PITPNB: variants seen among roughly 807,000 people sequenced by gnomAD.
PITPNB encodes phosphatidylinositol transfer protein beta isoform.
Under a neutral mutation model 45.9 loss-of-function variants are expected in PITPNB, and 16 were observed. That is an observed-to-expected ratio of 0.35 (90% CI 0.24 to 0.53). The LOEUF (loss-of-function observed/expected upper bound fraction) is 0.53. Ranked by LOEUF, PITPNB falls within the 20% of genes least tolerant of loss-of-function variation. PITPNB has a pLI of 0.93. For synonymous variants in PITPNB, 112 were observed against 108.9 expected (o/e 1.03, Z -0.18); for missense variants, 188 against 330.5 (o/e 0.57, Z 3.34).
At chr22:27,857,346 A>C (rs1175005495) in intron 10 of PITPNB, among the ~76,000 whole-genome samples, 1 of 152,216 alleles carries the variant, frequency 6.6e-6, no homozygotes, top group African/African-American at 2.4e-5. Flanking sequence ...TATAAAGAAA[A>C]TATGTCCTAG....
chr22:27,902,940 G>A (rs538390746), intron 3 of PITPNB, among the ~76,000 whole-genome samples: 11 of 151,986 alleles, frequency 7.2e-5, no homozygotes, highest in South Asian at 6.2e-4. Context: ...TATATTGCCC[G>A]GGCTGGTCTT....
chr22:27,892,111 A>T (rs1226799983), intron 7 of PITPNB, among the ~76,000 whole-genome samples: 1 of 152,138 alleles, frequency 6.6e-6, no homozygotes, highest in African/African-American at 2.4e-5. Context: ...CACCATTTTC[A>T]CACAGAGAAC....
intron 7 of PITPNB, among the ~76,000 whole-genome samples, chr22:27,877,525 A>G (rs1191744979): frequency 2.0e-5 from 3 of 152,236 alleles, no homozygotes; most frequent in African/African-American, 7.2e-5. Flanking sequence ...GTTTTCTGTC[A>G]CTGGAATACA....
At chr22:27,896,659 TCTTCTAC>T (rs1176185691) in intron 5 of PITPNB, 33 bp from the exon 6 acceptor site, 1 of 1,445,238 alleles carries the variant, frequency 6.9e-7, no homozygotes, top group Non-Finnish European at 9.7e-7. Context: ...ATGACAGTGA[TCTTCTAC>T]CTGTTCCTTG....
chr22:27,918,907 G>C (rs1463955929), intron 1 of PITPNB, among the ~76,000 whole-genome samples: 1 of 152,010 alleles, frequency 6.6e-6, no homozygotes, highest in Non-Finnish European at 1.5e-5. Flanking sequence ...TCCCGGCCGC[G>C]CCTTCCCGAG....
At chr22:27,915,719 A>C (rs529860766) in intron 1 of PITPNB, among the ~76,000 whole-genome samples, 1 of 152,338 alleles carries the variant, frequency 6.6e-6, no homozygotes, top group South Asian at 2.1e-4. Flanking sequence ...TCTATACCTA[A>C]AAATTCCGAA....
chr22:27,872,286 G>T (rs1252157220), intron 8 of PITPNB, among the ~76,000 whole-genome samples: 2 of 151,744 alleles, frequency 1.3e-5, no homozygotes, highest in African/African-American at 2.4e-5. Context: ...TAGAGATGGG[G>T]TTTCAACATG....
intron 5 of PITPNB, 55 bp from the exon 6 acceptor site, chr22:27,896,681 C>G: frequency 8.2e-7 from 1 of 1,217,240 alleles, no homozygotes; most frequent in Non-Finnish European, 1.2e-6. Context: ...TCCTTGGTGC[C>G]CACGTCTGAG....
At chr22:27,899,558 C>T (rs1040901415) in intron 3 of PITPNB, among the ~76,000 whole-genome samples, 6 of 152,062 alleles carry the variant, frequency 3.9e-5, no homozygotes, top group Admixed American at 1.3e-4. Context: ...CTCCTGACCT[C>T]GTGATCCGCC....
At chr22:27,916,693 C>T (rs1213364044) in intron 1 of PITPNB, among the ~76,000 whole-genome samples, 3 of 152,172 alleles carry the variant, frequency 2.0e-5, no homozygotes, top group African/African-American at 7.2e-5. Flanking sequence ...GTCCCAGCTA[C>T]TTGGGAGGCT....
Position 27,858,528 on chromosome 22 carries a change from A to C in PITPNB, c.646-19T>G. 1 of 1,599,472 alleles carries C rather than the reference A, an allele frequency of 6.3e-7. No homozygotes were observed. Among genetic ancestry groups the C allele is most frequent in the Non-Finnish European group, 8.5e-7 (1 of 1,172,794 alleles). ...TTTCTTGCTTTTAAAACAACAACAA[A>C]AAAGTAGCATAAGATGACAAAAACC... On this transcript the variant is annotated intron_variant, in intron 9 of 11. Transcript: ENST00000335272.
At chr22:27,897,018 G>A in intron 5 of PITPNB, 112 bp downstream of exon 5, 1 of 814,414 alleles carries the variant, frequency 1.2e-6, no homozygotes, top group Non-Finnish European at 2.2e-6. Context: ...TGGGACACAG[G>A]AAGGAACCAT....
intron 7 of PITPNB, among the ~76,000 whole-genome samples, chr22:27,888,475 G>A (rs1253168233): frequency 6.6e-6 from 1 of 152,114 alleles, no homozygotes; most frequent in East Asian, 1.9e-4. Flanking sequence ...GCCAACCCAG[G>A]TGTTATCAAA....
chr22:27,892,964 T>C (rs1433199625), intron 7 of PITPNB, among the ~76,000 whole-genome samples: 1 of 152,208 alleles, frequency 6.6e-6, no homozygotes, highest in Non-Finnish European at 1.5e-5. Flanking sequence ...CAGGCAAGTT[T>C]ACCTTTAAAT....
chr22:27,912,951 C>T (rs1394309528), intron 2 of PITPNB, among the ~76,000 whole-genome samples: 3 of 144,360 alleles, frequency 2.1e-5, no homozygotes, highest in Admixed American at 7.1e-5. Flanking sequence ...ATACTGTACT[C>T]CAGCCTGGGC....
chr22:27,900,290 C>G (rs577915241), intron 3 of PITPNB, among the ~76,000 whole-genome samples: 1 of 151,920 alleles, frequency 6.6e-6, no homozygotes, highest in South Asian at 2.1e-4. Flanking sequence ...TTTTAACTAT[C>G]CATTTATTCC....
In PITPNB at chr22:27,919,224, A is replaced by ACCACCG; in HGVS notation, c.-39_-34dup. Reference sequence around the variant, plus strand: ...GAACCCCCTCACAGCTGCCGCCGATACCACCGCCGCCGCCGCCGCTACCGC... The same window carrying ACCACCG: ...GAACCCCCTCACAGCTGCCGCCGATACCACCGCCACCGCCGCCGCCGCCGCTACCGC... On this transcript the variant is annotated 5_prime_UTR_variant, in exon 1 of 12. Transcript: ENST00000335272. 6.3e-7 allele frequency: 1 copy of ACCACCG among 1,585,188 alleles called. No homozygotes were observed. The highest frequency in any genetic ancestry group is 8.6e-7 in the Non-Finnish European group (1 of 1,156,832).
At chr22:27,868,323 T>G (rs1329891598) in intron 8 of PITPNB, among the ~76,000 whole-genome samples, 1 of 152,136 alleles carries the variant, frequency 6.6e-6, no homozygotes, top group Non-Finnish European at 1.5e-5. Flanking sequence ...ACACCTGAAT[T>G]TCAACTTCTC....
intron 7 of PITPNB, among the ~76,000 whole-genome samples, chr22:27,893,429 C>T (rs1262486137): frequency 3.3e-5 from 5 of 151,530 alleles, no homozygotes; most frequent in Middle Eastern, 3.4e-3. Flanking sequence ...GGACTATAGG[C>T]GCCCACCACC....
Sources: allele counts gnomAD v4.1 joint callset (sites outside exome capture counted in the v4.1 genomes callset), GRCh38; gene constraint gnomAD v4.1.1; transcripts MANE v1.5; gene names NCBI Gene and HGNC (gene_info 2026-07-23, HGNC 2026-07-21).